Variants in TENM4 observed in about 807,000 individuals in gnomAD.
TENM4 encodes teneurin transmembrane protein 4.
TENM4 carries 82 observed loss-of-function variants against 243.3 expected under a neutral mutation model. That is an observed-to-expected ratio of 0.34 (90% confidence interval 0.28 to 0.40). The LOEUF is 0.40. Ranked by LOEUF, TENM4 falls within the 10% of genes least tolerant of loss-of-function variation. TENM4 has a pLI of 1.00. For missense variants in TENM4, 3,138 were observed against 3,673.3 expected (o/e 0.85, Z 3.77); for synonymous variants, 1,412 against 1,456.3 (o/e 0.97, Z 0.69).
chr11:78,688,276 G>C (rs761962902), intron 28 of TENM4, 50 bp from the exon 29 acceptor site: 19 of 1,565,798 alleles, frequency 1.2e-5, no homozygotes, highest in Non-Finnish European at 1.6e-5. Context: ...TGGTGCTCTA[G>C]CTGGAACTTG....
intron 15 of TENM4, among the ~76,000 whole-genome samples, chr11:78,796,250 A>T (rs1013703662): frequency 6.6e-6 from 1 of 152,142 alleles, no homozygotes; most frequent in South Asian, 2.1e-4. Flanking sequence ...TCCTGATTAG[A>T]GGAGTTCAAA....
chr11:79,381,660 G>A (rs567668788), intron 1 of TENM4, among the ~76,000 whole-genome samples: 1 of 151,292 alleles, frequency 6.6e-6, no homozygotes, highest in South Asian at 2.1e-4. Context: ...GGTTCAAGGA[G>A]TACTGTGATA....
intron 12 of TENM4, among the ~76,000 whole-genome samples, chr11:78,827,806 T>C (rs1857891910): frequency 6.6e-6 from 1 of 152,174 alleles, no homozygotes; most frequent in Non-Finnish European, 1.5e-5. Flanking sequence ...AGTTTAAATA[T>C]TACCTCTTTC....
At chr11:78,782,330 G>A (rs1244608750) in intron 16 of TENM4, among the ~76,000 whole-genome samples, 1 of 152,184 alleles carries the variant, frequency 6.6e-6, no homozygotes, top group Non-Finnish European at 1.5e-5. Flanking sequence ...AGGCGTGGTG[G>A]CTTATGCCTG....
chr11:79,196,037 G>T lies in TENM4; in HGVS notation c.-163+19771C>A, dbSNP rs141874065. ...ACGAGATCTGATGGGTTTATCAGGG[G>T]TTTCCATTTTTGCTTCTTCCTCATT... is the stretch of plus-strand genomic sequence containing the variant. On this transcript the variant is annotated intron_variant, in intron 3 of 33. Coordinates refer to ENST00000278550, the MANE Select transcript of TENM4 (RefSeq NM_001098816.3). Among the ~76,000 whole-genome samples the T allele has an allele frequency of 8.8e-3, 1,341 of 152,168 alleles. 18 individuals carry two copies. Among genetic ancestry groups the T allele is most frequent in the African/African-American group, 0.03 (1,252 of 41,510 alleles).
At position 78,656,979 on chromosome 11, in the gene TENM4, C is replaced by T; in HGVS notation, c.*1079G>A. The T allele has an allele frequency of 2.5e-6, 1 of 398,576 alleles. No homozygotes were observed. The highest frequency in any genetic ancestry group is 3.6e-5 in the East Asian group (1 of 28,082). 24.7% of individuals were successfully genotyped at this position (398,576 alleles called of 1,614,324 possible). Reference sequence around the variant, plus strand: ...GCCACCAAGCACCTCCCTCCACATTCCTACGTCTCAGTGGTGGCGGCTGAG... The same window carrying T: ...GCCACCAAGCACCTCCCTCCACATTTCTACGTCTCAGTGGTGGCGGCTGAG... On this transcript the variant is annotated 3_prime_UTR_variant, in exon 34 of 34. Transcript: ENST00000278550.
intron 6 of TENM4, among the ~76,000 whole-genome samples, chr11:79,012,951 G>A (rs1858683478): frequency 6.6e-6 from 1 of 152,182 alleles, no homozygotes; most frequent in African/African-American, 2.4e-5. Context: ...TCCAGGGGAT[G>A]GAAGACCAAA....
intron 4 of TENM4, among the ~76,000 whole-genome samples, chr11:79,081,219 G>A (rs529362931): frequency 6.6e-6 from 1 of 152,360 alleles, no homozygotes; most frequent in African/African-American, 2.4e-5. Flanking sequence ...CTGGGCCTGA[G>A]TTCATACAGC....
intron 6 of TENM4, 131 bp downstream of exon 6, chr11:79,064,607 G>A (rs1289252195): frequency 1.7e-5 from 20 of 1,204,712 alleles, no homozygotes. Context: ...TCTGACATTT[G>A]ACCCCTGAGA....
intron 15 of TENM4, among the ~76,000 whole-genome samples, chr11:78,802,520 G>T (rs2136078539): frequency 6.6e-6 from 1 of 152,370 alleles, no homozygotes; most frequent in Non-Finnish European, 1.5e-5. Context: ...CAGAGGTGAA[G>T]TGACAGCTGA....
intron 1 of TENM4, among the ~76,000 whole-genome samples, chr11:79,328,482 T>C (rs7940157): frequency 0.17 from 25,190 of 152,094 alleles, 2,218 homozygotes; most frequent in East Asian, 0.35. Flanking sequence ...AGAAAGCCCC[T>C]CTATCCTCAT....
chr11:78,796,011 G>A (rs958129321), intron 15 of TENM4, among the ~76,000 whole-genome samples: 20 of 152,104 alleles, frequency 1.3e-4, no homozygotes, highest in African/African-American at 4.6e-4. Flanking sequence ...CTGTTCCACG[G>A]ATCGAGATGG....
chr11:78,905,970 C>A (rs528649329), intron 6 of TENM4, among the ~76,000 whole-genome samples: 1 of 152,352 alleles, frequency 6.6e-6, no homozygotes, highest in East Asian at 1.9e-4. Flanking sequence ...ACTGAATGTT[C>A]TTCCCAGCCT....
intron 12 of TENM4, among the ~76,000 whole-genome samples, chr11:78,818,329 T>C (rs557200503): frequency 6.6e-6 from 1 of 152,356 alleles, no homozygotes; most frequent in African/African-American, 2.4e-5. Context: ...CTGTTTATCA[T>C]CTGCCGAAAA....
chr11:79,203,018 A>C (rs2135194556), intron 3 of TENM4, among the ~76,000 whole-genome samples: 1 of 152,372 alleles, frequency 6.6e-6, no homozygotes, highest in East Asian at 1.9e-4. Flanking sequence ...TGGAGGGAAA[A>C]GTTAATTATG....
intron 14 of TENM4, among the ~76,000 whole-genome samples, chr11:78,809,578 T>C (rs1170316831): frequency 1.3e-5 from 2 of 151,954 alleles, no homozygotes; most frequent in Non-Finnish European, 2.9e-5. Flanking sequence ...CTGGGACAGC[T>C]TCAGGAACAA....
intron 21 of TENM4, among the ~76,000 whole-genome samples, chr11:78,730,891 G>A (rs1410433710): frequency 6.6e-6 from 1 of 152,182 alleles, no homozygotes; most frequent in Non-Finnish European, 1.5e-5. Flanking sequence ...ATAAGTTTGA[G>A]GCAAAGCAGG....
chr11:78,985,592 T>TA (rs1274310759), intron 6 of TENM4, among the ~76,000 whole-genome samples: 1 of 152,256 alleles, frequency 6.6e-6, no homozygotes, highest in African/African-American at 2.4e-5. Context: ...TTGCCATACT[T>TA]ATCTTTGTAC....
At chr11:79,063,088 G>T (rs1235825521) in intron 6 of TENM4, among the ~76,000 whole-genome samples, 1 of 152,196 alleles carries the variant, frequency 6.6e-6, no homozygotes, top group Non-Finnish European at 1.5e-5. Context: ...GGCTCCCTAG[G>T]CGAACATGTT....
Sources: allele counts gnomAD v4.1 joint callset (sites outside exome capture counted in the v4.1 genomes callset), GRCh38; gene constraint gnomAD v4.1.1; transcripts MANE v1.5; gene names NCBI Gene and HGNC (gene_info 2026-07-23, HGNC 2026-07-21).